Variants in INPP5B observed in about 807,000 individuals in gnomAD.
INPP5B encodes inositol polyphosphate-5-phosphatase B.
Under a neutral mutation model 118.5 loss-of-function variants are expected in INPP5B, and 90 were observed. The observed-to-expected ratio is 0.76, with a 90% confidence interval of 0.64 to 0.90. INPP5B has a LOEUF of 0.90. Among genes scored for constraint, INPP5B ranks in the 40% least tolerant of loss-of-function variants. INPP5B has a pLI of 0.00. For synonymous variants in INPP5B, 385 were observed against 418.9 expected (o/e 0.92, Z 0.99); for missense variants, 984 against 1,125.6 (o/e 0.87, Z 1.80).
intron 13 of INPP5B, chr1:37,885,130 A>G: frequency 6.6e-6 from 1 of 152,200 alleles, no homozygotes; most frequent in Non-Finnish European, 1.5e-5. Flanking sequence ...ATAAAATAAG[A>G]AGGCCGGGCA....
intron 19 of INPP5B, 73 bp downstream of exon 19, chr1:37,872,857 G>T: frequency 1.8e-6 from 2 of 1,105,542 alleles, no homozygotes; most frequent in Admixed American, 2.0e-5. Flanking sequence ...AGGAAGGTAG[G>T]CATAGGAATA....
chr1:37,932,731 G>T (rs1645537332), intron 6 of INPP5B, among the ~76,000 whole-genome samples: 1 of 152,164 alleles, frequency 6.6e-6, no homozygotes, highest in Admixed American at 6.6e-5. Context: ...GTCGCAGAGT[G>T]ACTAGCAGAG....
intron 9 of INPP5B, among the ~76,000 whole-genome samples, chr1:37,888,814 C>T (rs1643683054): frequency 6.6e-6 from 1 of 152,172 alleles, no homozygotes; most frequent in Admixed American, 6.5e-5. Context: ...AGCAGAATCC[C>T]ACAACCTTTA....
At chr1:37,938,739 T>G (rs1406583039) in intron 6 of INPP5B, among the ~76,000 whole-genome samples, 1 of 152,214 alleles carries the variant, frequency 6.6e-6, no homozygotes, top group East Asian at 1.9e-4. Flanking sequence ...GATTTAGAGA[T>G]AAATTTCCCC....
intron 14 of INPP5B, among the ~76,000 whole-genome samples, chr1:37,880,989 T>C (rs1283259626): frequency 6.6e-6 from 1 of 152,198 alleles, no homozygotes. Context: ...TCCCAAAGTG[T>C]TGGGATTGCA....
At chr1:37,875,946 T>C (rs1187361494) in intron 16 of INPP5B, among the ~76,000 whole-genome samples, 1 of 152,130 alleles carries the variant, frequency 6.6e-6, no homozygotes, top group African/African-American at 2.4e-5. Flanking sequence ...AAAAAATACA[T>C]GGAAGTGAAA....
chr1:37,906,650 G>C (rs1434303039), intron 7 of INPP5B, among the ~76,000 whole-genome samples: 1 of 151,994 alleles, frequency 6.6e-6, no homozygotes, highest in African/African-American at 2.4e-5. Context: ...GAGGTCAGCA[G>C]TTCAAAACCA....
chr1:37,943,974 A>C, intron 3 of INPP5B, 81 bp from the exon 4 acceptor site: 1 of 989,038 alleles, frequency 1.0e-6, no homozygotes, highest in South Asian at 1.3e-5. Flanking sequence ...GGGTGCTCAC[A>C]CTCGCTCGTT....
chr1:37,890,650 G>A (rs1002427169), intron 8 of INPP5B, among the ~76,000 whole-genome samples: 8 of 151,864 alleles, frequency 5.3e-5, no homozygotes, highest in African/African-American at 1.9e-4. Context: ...AAATAAAACA[G>A]GAAAAAAAGT....
At chr1:37,867,881 T>C (rs1467590197) in intron 20 of INPP5B, among the ~76,000 whole-genome samples, 1 of 151,936 alleles carries the variant, frequency 6.6e-6, no homozygotes, top group East Asian at 1.9e-4. Flanking sequence ...CAGAAGCTGG[T>C]GAGAGTTCCT....
chr1:37,943,746 G>A, intron 4 of INPP5B, 50 bp downstream of exon 4: 1 of 1,610,458 alleles, frequency 6.2e-7, no homozygotes, highest in Non-Finnish European at 8.5e-7. Context: ...ACAAAGATGA[G>A]CTGGGGGGCC....
At chr1:37,929,063 C>T (rs1258979233) in intron 7 of INPP5B, 1 of 152,066 alleles carries the variant, frequency 6.6e-6, no homozygotes, top group Non-Finnish European at 1.5e-5. Context: ...GCAGCAGCAA[C>T]TTAGCAATTA....
intron 8 of INPP5B, 88 bp downstream of exon 8, chr1:37,891,270 G>GACA (rs1643830539): frequency 1.1e-6 from 1 of 902,462 alleles, no homozygotes; most frequent in Admixed American, 2.2e-5. Context: ...GCTACCCTGG[G>GACA]ACAACTTACA....
chr1:37,880,311 A>G (rs536677968), intron 14 of INPP5B, 117 bp from the exon 15 acceptor site: 3 of 704,738 alleles, frequency 4.3e-6, no homozygotes, highest in East Asian at 2.6e-5. Flanking sequence ...AAAAGCCCCA[A>G]AAGAAAGTTA....
intron 12 of INPP5B, 63 bp from the exon 13 acceptor site, chr1:37,885,888 C>T (rs1643499490): frequency 2.0e-6 from 3 of 1,520,028 alleles, no homozygotes; most frequent in Admixed American, 1.7e-5. Context: ...CTTAAACCTA[C>T]AAACTTTCTG....
At chr1:37,882,742 A>C in intron 14 of INPP5B, 65 bp downstream of exon 14, 1 of 1,295,224 alleles carries the variant, frequency 7.7e-7, no homozygotes, top group Non-Finnish European at 1.1e-6. Context: ...TTTGGAAGCC[A>C]GGCTTTTCTG....
At position 37,875,590 on chromosome 1, in the gene INPP5B, A is replaced by C; in HGVS notation, c.1788+16T>G. 1 of 1,595,034 alleles carries C rather than the reference A, an allele frequency of 6.3e-7. No individual in the cohort carries two copies. The highest frequency in any genetic ancestry group is 8.6e-7 in the Non-Finnish European group (1 of 1,162,684). On this transcript the variant is annotated intron_variant, in intron 17 of 23. Transcript: ENST00000373024. ...GCCTGAGCCCAATGCTAATATTCTT[A>C]ACATGTCCTTCCTACCTCTCGCTTG...
rs1367509389 is a variant in INPP5B, at chr1:37,895,795, G to A, written c.533-4341C>T. Reference sequence around the variant, plus strand: ...CTCCTGAGGTGCCGGGATTGCAGACGGAGTCTCGTTCACTCAGTGCTCAAT... The same window carrying A: ...CTCCTGAGGTGCCGGGATTGCAGACAGAGTCTCGTTCACTCAGTGCTCAAT... On this transcript the variant is annotated intron_variant, in intron 7 of 23. Coordinates refer to ENST00000373024, the MANE Select transcript of INPP5B (RefSeq NM_005540.3). Among the ~76,000 whole-genome samples, 4 of 152,224 alleles carry A rather than the reference G, an allele frequency of 2.6e-5. No individual in the cohort carries two copies. In the South Asian group the frequency reaches 6.2e-4, roughly 24 times the overall value.
intron 7 of INPP5B, among the ~76,000 whole-genome samples, chr1:37,920,845 AC>A (rs1645028699): frequency 6.6e-6 from 1 of 151,458 alleles, no homozygotes; most frequent in African/African-American, 2.4e-5. Flanking sequence ...GGTGGCTCAC[AC>A]CTGTAATCCC....
Sources: gnomAD v4.1 joint callset for allele counts (sites outside exome capture counted in the v4.1 genomes callset) on GRCh38, gnomAD v4.1.1 for gene constraint, MANE v1.5 for transcripts, NCBI Gene and HGNC (gene_info 2026-07-23, HGNC 2026-07-21) for gene names.